The following AHCYL2 variants were observed in gnomAD, a reference collection of about 807,000 sequenced individuals.
AHCYL2 encodes the protein S-adenosylhomocysteine hydrolase-like protein 2.
A neutral mutation model predicts 81.4 loss-of-function variants in AHCYL2; 28 were observed. The ratio of observed to expected loss-of-function variants is 0.34; its 90% CI spans 0.25 to 0.47. AHCYL2 has a LOEUF of 0.47. Among genes scored for constraint, AHCYL2 ranks in the 20% least tolerant of loss-of-function variants. The probability of loss-of-function intolerance (pLI) is 1.00; values close to 1 mark genes in which losing one functional copy is unlikely to be tolerated. For missense variants in AHCYL2, 551 were observed against 785.1 expected (o/e 0.70, Z 3.56); for synonymous variants, 272 against 290.2 (o/e 0.94, Z 0.64).
chr7:129,273,062 A>G (rs1219426877), intron 1 of AHCYL2, among the ~76,000 whole-genome samples: 1 of 151,596 alleles, frequency 6.6e-6, no homozygotes, highest in Non-Finnish European at 1.5e-5. Context: ...CATGATGCCC[A>G]GCTGTTTTTT....
chr7:129,349,576 C>T (rs1012425684), intron 1 of AHCYL2, among the ~76,000 whole-genome samples: 20 of 142,124 alleles, frequency 1.4e-4, no homozygotes, highest in Non-Finnish European at 2.9e-4. Flanking sequence ...TGCTTGAACC[C>T]GGGAAGCGGA....
At chr7:129,296,274 C>A (rs543999110) in intron 1 of AHCYL2, among the ~76,000 whole-genome samples, 1 of 152,226 alleles carries the variant, frequency 6.6e-6, no homozygotes, top group East Asian at 1.9e-4. Flanking sequence ...ATAAAGGGAG[C>A]CAGTGAGTAA....
At chr7:129,324,038 T>C (rs948505632) in intron 1 of AHCYL2, among the ~76,000 whole-genome samples, 1 of 110,546 alleles carries the variant, frequency 9.0e-6, no homozygotes, top group Admixed American at 1.1e-4. Flanking sequence ...GCCTGGCTAA[T>C]TTTTGTATTT....
intron 1 of AHCYL2, among the ~76,000 whole-genome samples, chr7:129,352,920 G>T (rs1345167287): frequency 2.0e-5 from 3 of 147,278 alleles, no homozygotes; most frequent in Non-Finnish European, 4.5e-5. Flanking sequence ...TCATGTTTAG[G>T]CCTTTACCTC....
At chr7:129,387,174 ATAAT>A (rs1458625158) in intron 2 of AHCYL2, among the ~76,000 whole-genome samples, 2 of 152,254 alleles carry the variant, frequency 1.3e-5, no homozygotes, top group Admixed American at 6.5e-5. Flanking sequence ...AAAGCTCTAA[ATAAT>A]TAATTTTGTA....
intron 4 of AHCYL2, among the ~76,000 whole-genome samples, chr7:129,391,871 A>G (rs1795486591): frequency 6.6e-6 from 1 of 152,204 alleles, no homozygotes; most frequent in Non-Finnish European, 1.5e-5. Flanking sequence ...TGACTGCTCA[A>G]AATTAATATA....
intron 1 of AHCYL2, among the ~76,000 whole-genome samples, chr7:129,250,301 G>A (rs574202311): frequency 6.6e-6 from 1 of 152,176 alleles, no homozygotes; most frequent in Non-Finnish European, 1.5e-5. Flanking sequence ...AAGTTGGTAT[G>A]CAAATATCTG....
chr7:129,256,693 C>T (rs1001145636), intron 1 of AHCYL2, among the ~76,000 whole-genome samples: 5 of 151,814 alleles, frequency 3.3e-5, no homozygotes, highest in African/African-American at 1.2e-4. Flanking sequence ...TTTGCCCTTA[C>T]AATCAATACT....
chr7:129,380,201 C>T (rs1156826944), intron 2 of AHCYL2, among the ~76,000 whole-genome samples: 1 of 152,118 alleles, frequency 6.6e-6, no homozygotes, highest in Non-Finnish European at 1.5e-5. Context: ...AGCAAGTGAG[C>T]CCTTTGCCTT....
intron 1 of AHCYL2, among the ~76,000 whole-genome samples, chr7:129,355,286 T>C (rs1793699174): frequency 6.6e-6 from 1 of 152,222 alleles, no homozygotes; most frequent in African/African-American, 2.4e-5. Flanking sequence ...TGTTGTCTAG[T>C]GTTCTTAAGC....
At chr7:129,399,828 G>A (rs1159350000) in intron 5 of AHCYL2, among the ~76,000 whole-genome samples, 1 of 149,344 alleles carries the variant, frequency 6.7e-6, no homozygotes, top group African/African-American at 2.5e-5. Context: ...CCAGGTTCAA[G>A]CAATTCTCCT....
intron 1 of AHCYL2, among the ~76,000 whole-genome samples, chr7:129,362,476 C>T (rs1026056488): frequency 1.3e-5 from 2 of 151,940 alleles, no homozygotes; most frequent in Non-Finnish European, 2.9e-5. Flanking sequence ...GATTTAAGGT[C>T]CAGCAATTCC....
At position 129,301,497 on chromosome 7, in the gene AHCYL2, CT is replaced by C. The variant is rs570713058; in HGVS notation, c.363+76060del. ...TTTTGGTAGTTGCATAGTTTGAGGT[CT>C]TAGATTTAAATCTTTAATCTATTTT... On this transcript the variant is annotated intron_variant, in intron 1 of 16. Coordinates refer to ENST00000325006, the MANE Select transcript of AHCYL2 (RefSeq NM_015328.4). Among the ~76,000 whole-genome samples the C allele has an allele frequency of 2.1e-3, 324 of 152,234 alleles. 1 individual carries two copies. The highest frequency in any genetic ancestry group is 2.2e-3 in the Non-Finnish European group (148 of 68,012).
chr7:129,259,262 C>A (rs935417963), intron 1 of AHCYL2, among the ~76,000 whole-genome samples: 2 of 152,172 alleles, frequency 1.3e-5, no homozygotes, highest in Non-Finnish European at 2.9e-5. Context: ...TATGGTGGAA[C>A]AAGTGGTGCC....
chr7:129,234,598 A>G (rs1055762228), intron 1 of AHCYL2, among the ~76,000 whole-genome samples: 5 of 151,822 alleles, frequency 3.3e-5, no homozygotes, highest in Non-Finnish European at 5.9e-5. Context: ...GCTTCAAGTG[A>G]TCCTTCCTCC....
intron 1 of AHCYL2, among the ~76,000 whole-genome samples, chr7:129,373,190 T>G (rs931716182): frequency 1.3e-5 from 2 of 152,156 alleles, no homozygotes; most frequent in African/African-American, 4.8e-5. Flanking sequence ...TCCAGCAATG[T>G]GCTTTAATAA....
At chr7:129,392,845 T>G (rs1182675538) in intron 4 of AHCYL2, among the ~76,000 whole-genome samples, 1 of 152,236 alleles carries the variant, frequency 6.6e-6, no homozygotes, top group African/African-American at 2.4e-5. Context: ...ACAGAACAGT[T>G]TCTCAGTCTT....
intron 1 of AHCYL2, among the ~76,000 whole-genome samples, chr7:129,365,175 A>G (rs1312573437): frequency 1.3e-5 from 2 of 152,212 alleles, no homozygotes; most frequent in African/African-American, 4.8e-5. Flanking sequence ...ATAGTGATAT[A>G]GCCAAAGAAC....
At chr7:129,335,373 T>TAAA (rs757453356) in intron 1 of AHCYL2, among the ~76,000 whole-genome samples, 1 of 123,156 alleles carries the variant, frequency 8.1e-6, no homozygotes, top group Admixed American at 8.3e-5. Flanking sequence ...AGACCCTGTC[T>TAAA]AAAAAAAAAA....
Sources: gnomAD v4.1 joint callset for allele counts (sites outside exome capture counted in the v4.1 genomes callset) on GRCh38, gnomAD v4.1.1 for gene constraint, MANE v1.5 for transcripts, NCBI Gene and HGNC (gene_info 2026-07-23, HGNC 2026-07-21) for gene names.